The following PLEKHA5 variants were observed in gnomAD, a reference collection of about 807,000 sequenced individuals.
PLEKHA5 encodes pleckstrin homology domain containing A5, also known as pleckstrin homology domain-containing family A member 5.
A neutral mutation model predicts 181.9 loss-of-function variants in PLEKHA5; 55 were observed. The ratio of observed to expected loss-of-function variants is 0.30; its 90% CI spans 0.24 to 0.38. PLEKHA5 has a LOEUF of 0.38. Among genes scored for constraint, PLEKHA5 ranks in the 10% least tolerant of loss-of-function variants. The probability of loss-of-function intolerance (pLI) is 1.00; values close to 1 mark genes in which losing one functional copy is unlikely to be tolerated. For missense variants in PLEKHA5, 1,432 were observed against 1,549.5 expected (o/e 0.92, Z 1.27); for synonymous variants, 535 against 529.4 (o/e 1.01, Z -0.15).
chr12:19,260,809 G>C, intron 6 of PLEKHA5, 140 bp from the exon 7 acceptor site: 2 of 437,164 alleles, frequency 4.6e-6, no homozygotes, highest in Non-Finnish European at 8.1e-6. Flanking sequence ...GCAGTGAGCA[G>C]AGGTTGCACC....
intron 29 of PLEKHA5, among the ~76,000 whole-genome samples, chr12:19,362,015 A>G (rs2095258297): frequency 6.6e-6 from 1 of 151,722 alleles, no homozygotes; most frequent in African/African-American, 2.4e-5. Context: ...TGAAAAAAAA[A>G]ATTAGCCAGG....
Position 19,337,395 on chromosome 12 carries a change from A to G in PLEKHA5, c.2550+779A>G, listed in dbSNP as rs559425982. On this transcript the variant is annotated intron_variant, in intron 21 of 31. Transcript: ENST00000429027. ...TGGCGAAACCCTGTCTCTACTATAA[A>G]TACAAAAATTAGGTGTAGTGGCAGG... Among the ~76,000 whole-genome samples the G allele has an allele frequency of 3.8e-3, 577 of 151,874 alleles. 2 individuals are homozygous for G. Among genetic ancestry groups the G allele is most frequent in the Non-Finnish European group, 6.4e-3 (432 of 67,966 alleles).
chr12:19,167,436 C>CTTTTTTTTTTTTTTTTTTTT (rs1555230969), intron 3 of PLEKHA5, among the ~76,000 whole-genome samples: 84 of 48,562 alleles, frequency 1.7e-3, no homozygotes, highest in Middle Eastern at 0.014. Context: ...TTTTTTTTTG[C>CTTTTTTTTTTTTTTTTTTTT]TTTGGAAGCA....
At chr12:19,279,767 T>A (rs1173822212) in intron 11 of PLEKHA5, among the ~76,000 whole-genome samples, 2 of 151,726 alleles carry the variant, frequency 1.3e-5, no homozygotes, top group African/African-American at 4.8e-5. Context: ...ATGTAACTCA[T>A]CCAAGGTCTA....
At chr12:19,207,561 A>G (rs1203530235) in intron 3 of PLEKHA5, 2 of 152,174 alleles carry the variant, frequency 1.3e-5, no homozygotes, top group East Asian at 3.9e-4. Flanking sequence ...AAAGATCCTA[A>G]GTAGTGGTAG....
intron 3 of PLEKHA5, among the ~76,000 whole-genome samples, chr12:19,149,225 A>G (rs2039723492): frequency 6.6e-6 from 1 of 152,080 alleles, no homozygotes; most frequent in African/African-American, 2.4e-5. Context: ...AAACCATTCA[A>G]AAACTCAGTG....
At chr12:19,137,280 G>A (rs372347219) in intron 3 of PLEKHA5, among the ~76,000 whole-genome samples, 186 of 152,096 alleles carry the variant, frequency 1.2e-3, no homozygotes, top group Middle Eastern at 3.4e-3. Flanking sequence ...CAGGTGATCC[G>A]CCCACCTCGG....
chr12:19,181,643 G>T (rs1047458825), intron 3 of PLEKHA5, among the ~76,000 whole-genome samples: 2 of 152,094 alleles, frequency 1.3e-5, no homozygotes, highest in Admixed American at 6.6e-5. Context: ...GGGTGTGGTT[G>T]CAGGCGCCTG....
At chr12:19,164,812 A>C (rs1474771822) in intron 3 of PLEKHA5, among the ~76,000 whole-genome samples, 9 of 152,100 alleles carry the variant, frequency 5.9e-5, no homozygotes, top group Non-Finnish European at 1.3e-4. Context: ...ATACCTCATA[A>C]AATTTTATCT....
intron 25 of PLEKHA5, among the ~76,000 whole-genome samples, chr12:19,351,661 T>C (rs1023461323): frequency 6.6e-6 from 1 of 151,918 alleles, no homozygotes; most frequent in African/African-American, 2.4e-5. Flanking sequence ...GAGAGAAAGA[T>C]AATCCAAAAA....
chr12:19,359,614 G>A, intron 28 of PLEKHA5, 68 bp downstream of exon 28: 1 of 1,445,126 alleles, frequency 6.9e-7, no homozygotes, highest in Non-Finnish European at 9.7e-7. Context: ...CAAGTGGTAA[G>A]GTTGAAAATA....
At chr12:19,305,155 C>A (rs1463563453) in intron 15 of PLEKHA5, among the ~76,000 whole-genome samples, 1 of 152,188 alleles carries the variant, frequency 6.6e-6, no homozygotes, top group Non-Finnish European at 1.5e-5. Flanking sequence ...CTTGTCCCCA[C>A]ACCTTGTAAC....
At chr12:19,311,547 C>G (rs2086564990) in intron 15 of PLEKHA5, among the ~76,000 whole-genome samples, 1 of 152,032 alleles carries the variant, frequency 6.6e-6, no homozygotes, top group Non-Finnish European at 1.5e-5. Flanking sequence ...TTGTTGTCAA[C>G]AATGTTCACA....
intron 7 of PLEKHA5, among the ~76,000 whole-genome samples, chr12:19,263,785 C>T (rs2069340994): frequency 6.6e-6 from 1 of 152,028 alleles, no homozygotes; most frequent in African/African-American, 2.4e-5. Context: ...GTTCTTGGAA[C>T]CATCAGCTGT....
intron 3 of PLEKHA5, among the ~76,000 whole-genome samples, chr12:19,233,031 G>C (rs978170307): frequency 6.6e-6 from 1 of 152,096 alleles, no homozygotes; most frequent in Admixed American, 6.6e-5. Flanking sequence ...TTTAATTTCT[G>C]TAAGCTGATT....
At chr12:19,137,579 CAG>C (rs751400838) in intron 3 of PLEKHA5, among the ~76,000 whole-genome samples, 99 of 152,224 alleles carry the variant, frequency 6.5e-4, no homozygotes, top group Non-Finnish European at 1.2e-3. Flanking sequence ...TATATTAAAA[CAG>C]GGAGATGGTT....
At chr12:19,268,419 A>G (rs1224764308) in intron 8 of PLEKHA5, among the ~76,000 whole-genome samples, 1 of 152,226 alleles carries the variant, frequency 6.6e-6, no homozygotes, top group East Asian at 1.9e-4. Context: ...CATGTTAAGT[A>G]TATTTTCTCT....
chr12:19,305,812 A>G (rs182932505), intron 15 of PLEKHA5, among the ~76,000 whole-genome samples: 420 of 125,258 alleles, frequency 3.4e-3, no homozygotes, highest in Middle Eastern at 5.9e-3. Flanking sequence ...GTGAGCCAAG[A>G]TTGCGCCATT....
chr12:19,340,956 AAAAAAAG>A (rs1461763981), intron 21 of PLEKHA5, among the ~76,000 whole-genome samples: 7 of 114,266 alleles, frequency 6.1e-5, no homozygotes, highest in Admixed American at 3.6e-4. Context: ...AAAAAAAAAA[AAAAAAAG>A]AAAGAAAAGA....
Sources: gnomAD v4.1 joint callset for allele counts (sites outside exome capture counted in the v4.1 genomes callset) on GRCh38, gnomAD v4.1.1 for gene constraint, MANE v1.5 for transcripts, NCBI Gene and HGNC (gene_info 2026-07-23, HGNC 2026-07-21) for gene names.